The following CKM variants were observed in gnomAD, a reference collection of about 807,000 sequenced individuals.
CKM encodes creatine kinase M-type.
In CKM, 28 loss-of-function variants were observed where a neutral mutation model predicts 35.4. That is an observed-to-expected ratio of 0.79 (90% confidence interval 0.59 to 1.08). The LOEUF is 1.08. Ranked by LOEUF, CKM falls within the 50% of genes least tolerant of loss-of-function variation. The pLI, the probability that CKM is intolerant of heterozygous loss-of-function variation, is 0.00. For missense variants in CKM, 484 were observed against 509.8 expected, an observed-to-expected ratio of 0.95 and a Z score of 0.49; for synonymous variants, 215 against 204.4, an observed-to-expected ratio of 1.05 and a Z score of -0.44.
At chr19:45,315,835 G>GTATATTTCTTT (rs1303034634) in intron 3 of CKM, among the ~76,000 whole-genome samples, 1 of 111,738 alleles carries the variant, frequency 8.9e-6, no homozygotes, top group African/African-American at 3.0e-5. Context: ...CCCCATCTTC[G>GTATATTTCTTT]TATATTTCTT....
At chr19:45,319,439 C>G in intron 2 of CKM, 82 bp downstream of exon 2, 1 of 1,071,572 alleles carries the variant, frequency 9.3e-7, no homozygotes, top group Non-Finnish European at 1.4e-6. Flanking sequence ...CCCCCCCCTT[C>G]AAGGGTGGTG....
intron 3 of CKM, among the ~76,000 whole-genome samples, chr19:45,317,516 A>G (rs1426131462): frequency 6.6e-6 from 1 of 151,142 alleles, no homozygotes; most frequent in Non-Finnish European, 1.5e-5. Context: ...CAAACTCTCA[A>G]TCTAAGGTGA....
intron 1 of CKM, among the ~76,000 whole-genome samples, chr19:45,320,261 G>C (rs924363539): frequency 2.6e-5 from 4 of 151,650 alleles, no homozygotes; most frequent in Admixed American, 1.3e-4. Context: ...TAATTTTTTT[G>C]TATTTTTATT....
chr19:45,315,512 T>G lies in CKM; in HGVS notation c.434A>C (p.His145Pro). The G allele has an allele frequency of 1.2e-6, 2 of 1,600,740 alleles. No individual in the cohort carries two copies. The highest frequency in any genetic ancestry group is 1.7e-6 in the Non-Finnish European group (2 of 1,179,876). ...RSIKGYTLPP[H>P]CSRGERRAVE... ...CGCCCGGCGCTCGCCACGGGAGCAG[T>G]GTGGGGGCAACGTGTAGCCCTTGAT... The change falls in exon 4 of 8, where the codon CAC becomes CCC. Residue 145 changes from histidine to proline, a missense_variant. Coordinates refer to ENST00000221476, the MANE Select transcript of CKM (RefSeq NM_001824.5).
At position 45,317,988 on chromosome 19, in the gene CKM, G is replaced by T. The variant is rs547036105; in HGVS notation, c.194-9C>A. 6.2e-7 allele frequency: 1 copy of T among 1,613,720 alleles called. No homozygotes were observed. Among genetic ancestry groups the T allele is most frequent in the Admixed American group, 1.7e-5 (1 of 59,988 alleles). On this transcript the variant is annotated splice_polypyrimidine_tract_variant and intron_variant, in intron 2 of 7. Coordinates refer to ENST00000221476, the MANE Select transcript of CKM (RefSeq NM_001824.5). ...CATGATGAAGGGGTGACCTGGAGGG[G>T]TGGGGGTGAGGTCAGAGCTGCTTGT...
chr19:45,309,241 A>G (rs1971084942), intron 5 of CKM, among the ~76,000 whole-genome samples: 1 of 144,992 alleles, frequency 6.9e-6, no homozygotes. Flanking sequence ...AAAAAAAAAA[A>G]AAAAGAACAT....
rs141770531 is a variant in CKM, at chr19:45,312,026, C to T, written c.482-106G>A. 1.2e-3 allele frequency: 1,559 copies of T among 1,304,204 alleles called. 13 individuals are homozygous for T. The African/African-American group carries it at 0.017, about 14-fold the overall frequency. The allele number at this position is 1,304,204 out of a possible 1,614,324, so 80.8% of individuals were successfully genotyped here. The stretch of plus-strand genomic sequence containing the variant: ...TGCTCCTAACGGGCCTGGGCCTTGG[C>T]CCCCTGGATGTCCTAAAGGCACCTG... On this transcript the variant is annotated intron_variant, in intron 4 of 7. Transcript: ENST00000221476.
rs981883609 is a variant in CKM, at chr19:45,308,741, G to A, written c.654-209C>T. On this transcript the variant is annotated intron_variant, in intron 5 of 7. Transcript: ENST00000221476. ...CAAAACGCTGAATCCTGGGATCAAG[G>A]ACTTTTAGGGACTTAAGTCTTTGAA... is the stretch of plus-strand genomic sequence containing the variant. Among the ~76,000 whole-genome samples, 5 of 152,148 alleles carry A rather than the reference G, an allele frequency of 3.3e-5. No homozygotes were observed. The East Asian group carries it at 5.8e-4, about 18-fold the overall frequency.
At chr19:45,313,754 C>T (rs770092942) in intron 4 of CKM, among the ~76,000 whole-genome samples, 10 of 152,086 alleles carry the variant, frequency 6.6e-5, no homozygotes, top group Non-Finnish European at 1.3e-4. Flanking sequence ...GGCTGAGACA[C>T]GAGAATTGCT....
chr19:45,307,593 A>G lies in CKM; in HGVS notation c.835T>C (p.Tyr279His). 1.2e-6 allele frequency: 2 copies of G among 1,614,168 alleles called. No individual in the cohort carries two copies. The highest frequency in any genetic ancestry group is 1.1e-5 in the South Asian group (1 of 91,076). ...HPFMWNQHLG[Y>H]VLTCPSNLGT... is the part of the protein sequence containing the mutation. ...AGGTTGGATGGGCAGGTGAGCACGTAGCCCAGGTGCTGGTTCCACATGAAG... is the reference window on the plus strand; with the variant it reads ...AGGTTGGATGGGCAGGTGAGCACGTGGCCCAGGTGCTGGTTCCACATGAAG... Residue 279 changes from tyrosine to histidine, a missense_variant, in exon 7 of 8, where the codon TAC (tyrosine) becomes CAC (histidine). Physicochemically the swap from Tyr to His is moderately conservative, Grantham distance 83 (BLOSUM62 2). Coordinates refer to ENST00000221476, the MANE Select transcript of CKM (RefSeq NM_001824.5).
At chr19:45,319,785 T>C (rs1163037814) in intron 1 of CKM, 54 bp from the exon 2 acceptor site, 1 of 1,423,112 alleles carries the variant, frequency 7.0e-7, no homozygotes, top group East Asian at 2.3e-5. Context: ...TCTTTTTTCT[T>C]CTTCTTCTTC....
intron 3 of CKM, among the ~76,000 whole-genome samples, chr19:45,317,201 G>A (rs1310598543): frequency 9.2e-5 from 14 of 151,844 alleles, no homozygotes; most frequent in Admixed American, 7.9e-4. Flanking sequence ...TCCATCTCCT[G>A]GGTTCAAGAG....
chr19:45,310,222 G>A (rs1359230645), intron 5 of CKM, among the ~76,000 whole-genome samples: 3 of 143,028 alleles, frequency 2.1e-5, no homozygotes, highest in South Asian at 4.5e-4. Flanking sequence ...CCGGGTTCAC[G>A]CCATTCTCCT....
At chr19:45,317,678 T>A (rs1971171820) in intron 3 of CKM, 147 bp downstream of exon 3, 4 of 894,822 alleles carry the variant, frequency 4.5e-6, no homozygotes, top group Non-Finnish European at 7.0e-6. Flanking sequence ...CGCCTCAGCC[T>A]CCCAATGTCC....
Position 45,311,856 on chromosome 19 carries a change from C to T in CKM, c.546G>A (p.Lys182=), listed in dbSNP as rs781406880. Residue 182 remains lysine, a synonymous_variant, in exon 5 of 8, where the codon AAG becomes AAA. Transcript: ENST00000221476. ...KYYPLKSMTE[K]EQQQLIDDHF... is the part of the protein sequence containing the mutation. ...GGTCATCGATGAGCTGCTGCTGCTC[C>T]TTCTCCGTCATGCTCTTCAGAGGGT... 1 of 1,613,968 alleles carries T rather than the reference C, an allele frequency of 6.2e-7. No homozygotes were observed. The highest frequency in any genetic ancestry group is 8.5e-7 in the Non-Finnish European group (1 of 1,179,966).
Position 45,314,151 on chromosome 19 carries a change from G to A in CKM, c.481+1314C>T, listed in dbSNP as rs371168431. ...GAAGGGAGGGAGGGAAGGAAGGGAA[G>A]GAAGGGAGGAAGAAAAGAAAGGAAA... On this transcript the variant is annotated intron_variant, in intron 4 of 7. Coordinates refer to ENST00000221476, the MANE Select transcript of CKM (RefSeq NM_001824.5). 4.0e-5 allele frequency among the ~76,000 whole-genome samples: 6 copies of A among 149,276 alleles called. 1 individual carries two copies. The South Asian group carries it at 1.3e-3, about 32-fold the overall frequency.
At chr19:45,307,079 G>A in intron 7 of CKM, 151 bp from the exon 8 acceptor site, 1 of 752,700 alleles carries the variant, frequency 1.3e-6, no homozygotes, top group Non-Finnish European at 2.3e-6. Flanking sequence ...TCATTCGTGA[G>A]CTCACGAGTC....
At chr19:45,313,289 C>T (rs639783) in intron 4 of CKM, among the ~76,000 whole-genome samples, 31,864 of 151,948 alleles carry the variant, frequency 0.21, 4,425 homozygotes, top group African/African-American at 0.4. Context: ...CATGGCGATC[C>T]GTGATCAGTG....
intron 1 of CKM, among the ~76,000 whole-genome samples, chr19:45,322,368 A>C (rs344816): frequency 2.6e-5 from 4 of 152,010 alleles, no homozygotes; most frequent in African/African-American, 9.7e-5. Context: ...CTAAGTCAGA[A>C]ACAAGGTCAC....
Sources: gnomAD v4.1 joint callset for allele counts (sites outside exome capture counted in the v4.1 genomes callset) on GRCh38, gnomAD v4.1.1 for gene constraint, MANE v1.5 for transcripts, NCBI Gene and HGNC (gene_info 2026-07-23, HGNC 2026-07-21) for gene names.